Variants in COP1 observed in about 807,000 individuals in gnomAD.
COP1 encodes COP1 E3 ubiquitin ligase, also known as E3 ubiquitin-protein ligase COP1.
A neutral mutation model predicts 101.3 loss-of-function variants in COP1; 24 were observed. The ratio of observed to expected loss-of-function variants is 0.24; its 90% CI spans 0.17 to 0.33. The LOEUF (loss-of-function observed/expected upper bound fraction) is 0.33, where lower values mean the gene tolerates loss of function less well. Among genes scored for constraint, COP1 ranks in the 10% least tolerant of loss-of-function variants. COP1 has a pLI of 1.00. For synonymous variants in COP1, 347 were observed against 341.9 expected, an observed-to-expected ratio of 1.01 and a Z score of -0.17; for missense variants, 663 against 906.2, an observed-to-expected ratio of 0.73 and a Z score of 3.45.
In COP1 at chr1:176,205,234, G is replaced by A. The variant is rs1700707124; in HGVS notation, c.407+1338C>T. Among the ~76,000 whole-genome samples the A allele has an allele frequency of 2.6e-5, 4 of 152,164 alleles. No homozygotes were observed. In the South Asian group the frequency reaches 8.3e-4, roughly 32 times the overall value. ...TTATTAGCTACTCGCACTATCGACT[G>A]TGTAGAAGTGCAAACACTTCTCAGC... On this transcript the variant is annotated intron_variant, in intron 1 of 19. Transcript: ENST00000367669.
chr1:176,043,642 G>T, intron 13 of COP1, 68 bp downstream of exon 13: 2 of 887,296 alleles, frequency 2.3e-6, no homozygotes, highest in Non-Finnish European at 3.8e-6. Flanking sequence ...TAAGGCACAT[G>T]AAGTTCTAAA....
At chr1:176,029,315 T>G (rs1668269047) in intron 14 of COP1, among the ~76,000 whole-genome samples, 1 of 152,190 alleles carries the variant, frequency 6.6e-6, no homozygotes, top group South Asian at 2.1e-4. Flanking sequence ...GTGATATATA[T>G]TAAAATTTGT....
chr1:176,134,479 T>A (rs1277512073), intron 8 of COP1, among the ~76,000 whole-genome samples: 1 of 152,004 alleles, frequency 6.6e-6, no homozygotes, highest in Non-Finnish European at 1.5e-5. Context: ...GAAATGGTCA[T>A]GACAAATATA....
chr1:176,148,656 A>AC (rs1691951532), intron 6 of COP1, among the ~76,000 whole-genome samples: 1 of 152,098 alleles, frequency 6.6e-6, no homozygotes, highest in African/African-American at 2.4e-5. Context: ...TAAGAAAAAA[A>AC]CTATATCCTA....
At chr1:175,980,531 C>T (rs1409116956) in intron 18 of COP1, among the ~76,000 whole-genome samples, 1 of 152,104 alleles carries the variant, frequency 6.6e-6, no homozygotes, top group Admixed American at 6.6e-5. Context: ...GGTTCCCAAG[C>T]CAAGTTTTGC....
At chr1:176,124,218 A>C (rs896074066) in intron 8 of COP1, among the ~76,000 whole-genome samples, 9 of 152,182 alleles carry the variant, frequency 5.9e-5, no homozygotes, top group Non-Finnish European at 1.0e-4. Flanking sequence ...AACATGGAGA[A>C]TGTGGGTATC....
chr1:176,118,907 G>T (rs538088103), intron 8 of COP1, among the ~76,000 whole-genome samples: 1 of 152,146 alleles, frequency 6.6e-6, no homozygotes, highest in Admixed American at 6.5e-5. Flanking sequence ...TCATAAACAT[G>T]TACAAAATAT....
intron 14 of COP1, among the ~76,000 whole-genome samples, chr1:176,039,668 G>A (rs1670183047): frequency 6.6e-6 from 1 of 152,004 alleles, no homozygotes; most frequent in African/African-American, 2.4e-5. Flanking sequence ...AAAGATGGAG[G>A]ACTTAAAATT....
At position 176,008,267 on chromosome 1, in the gene COP1, C is replaced by T. The variant is rs542848317; in HGVS notation, c.1730-18788G>A. ...CTGGCACTTCCTAGTGAGATGAACCCGGTACCTCAGATGGAAATGCAGAAA... is the reference window on the plus strand; with the variant it reads ...CTGGCACTTCCTAGTGAGATGAACCTGGTACCTCAGATGGAAATGCAGAAA... On this transcript the variant is annotated intron_variant, in intron 15 of 19. Coordinates refer to ENST00000367669, the MANE Select transcript of COP1 (RefSeq NM_022457.7). Among the ~76,000 whole-genome samples, 8 of 152,292 alleles carry T rather than the reference C, an allele frequency of 5.3e-5. No individual in the cohort carries two copies. The South Asian group carries it at 6.2e-4, about 12-fold the overall frequency.
At chr1:176,104,204 GA>G (rs1484438927) in intron 9 of COP1, among the ~76,000 whole-genome samples, 1 of 152,024 alleles carries the variant, frequency 6.6e-6, no homozygotes, top group Non-Finnish European at 1.5e-5. Context: ...AATAGATTGA[GA>G]ATTTAAATGT....
chr1:176,187,615 C>T (rs1006335472), intron 1 of COP1, among the ~76,000 whole-genome samples: 1 of 152,156 alleles, frequency 6.6e-6, no homozygotes, highest in African/African-American at 2.4e-5. Context: ...TTAATCCTAG[C>T]TATGCCATCT....
At chr1:176,036,550 A>AT (rs1246280124) in intron 14 of COP1, among the ~76,000 whole-genome samples, 1 of 151,470 alleles carries the variant, frequency 6.6e-6, no homozygotes, top group African/African-American at 2.4e-5. Flanking sequence ...CCCTAGAGAT[A>AT]TGAGTATATT....
chr1:176,140,979 T>C (rs1386158730), intron 6 of COP1, among the ~76,000 whole-genome samples: 1 of 152,170 alleles, frequency 6.6e-6, no homozygotes, highest in Non-Finnish European at 1.5e-5. Flanking sequence ...AGTCTCAGAA[T>C]CCCTTACGAA....
intron 15 of COP1, among the ~76,000 whole-genome samples, chr1:176,002,178 CTCTT>C (rs1228371654): frequency 2.7e-5 from 4 of 150,850 alleles, no homozygotes; most frequent in African/African-American, 7.4e-5. Context: ...TATTTTCTAC[CTCTT>C]TCTCTCTCCT....
Position 176,097,928 on chromosome 1 carries a change from CA to C in COP1, c.1027-12039del, listed in dbSNP as rs1682718227. On this transcript the variant is annotated intron_variant, in intron 9 of 19. Coordinates refer to ENST00000367669, the MANE Select transcript of COP1 (RefSeq NM_022457.7). ...CCTAAAGGAAGATAAACACTTTGAT[CA>C]AATGTTTTTTAAAAGGAAAATAAAA... Among the ~76,000 whole-genome samples, 4 of 146,472 alleles carry C rather than the reference CA, an allele frequency of 2.7e-5. No individual in the cohort carries two copies. The South Asian group carries it at 8.6e-4, about 32-fold the overall frequency.
At chr1:176,151,466 C>G (rs914499415) in intron 5 of COP1, among the ~76,000 whole-genome samples, 3 of 152,198 alleles carry the variant, frequency 2.0e-5, no homozygotes, top group South Asian at 2.1e-4. Flanking sequence ...TACAATACAG[C>G]AAGTTTTTGT....
At chr1:176,109,559 T>A (rs1380026967) in intron 9 of COP1, among the ~76,000 whole-genome samples, 1 of 152,180 alleles carries the variant, frequency 6.6e-6, no homozygotes, top group Non-Finnish European at 1.5e-5. Context: ...ACTAATGAAC[T>A]TTACAATGTT....
intron 18 of COP1, among the ~76,000 whole-genome samples, chr1:175,981,036 A>C (rs1655717238): frequency 6.6e-6 from 1 of 152,128 alleles, no homozygotes; most frequent in Non-Finnish European, 1.5e-5. Context: ...CAGATACAGA[A>C]TATATATACG....
intron 15 of COP1, among the ~76,000 whole-genome samples, chr1:176,000,850 G>C (rs1212448439): frequency 1.3e-5 from 2 of 151,730 alleles, no homozygotes; most frequent in Non-Finnish European, 2.9e-5. Context: ...ATTTTTCAGA[G>C]TGTTTTTTCT....
Sources: gnomAD v4.1 joint callset for allele counts (sites outside exome capture counted in the v4.1 genomes callset) on GRCh38, gnomAD v4.1.1 for gene constraint, MANE v1.5 for transcripts, NCBI Gene and HGNC (gene_info 2026-07-23, HGNC 2026-07-21) for gene names.